Variants in ABCF2 observed in about 807,000 individuals in gnomAD.
The protein encoded by ABCF2 is ATP binding cassette subfamily F member 2.
Under a neutral mutation model 76.9 loss-of-function variants are expected in ABCF2, and 37 were observed. The ratio of observed to expected loss-of-function variants is 0.48; its 90% confidence interval spans 0.37 to 0.63. The LOEUF is 0.63. ABCF2 is among the 30% of genes least tolerant of loss of function. ABCF2 has a pLI of 0.00. For synonymous variants in ABCF2, 299 were observed against 283.7 expected (o/e 1.05, Z -0.54); for missense variants, 524 against 782.1 (o/e 0.67, Z 3.94).
In ABCF2 at chr7:151,215,146, C is replaced by T. The variant is rs1802125257; in HGVS notation, c.1531-64G>A. The stretch of plus-strand genomic sequence containing the variant: ...CCCCGCCAAACAGCACAGCTCATCT[C>T]TCCCTCATTTCTCCCTGACTCCTCC... On this transcript the variant is annotated intron_variant, in intron 13 of 14. Coordinates refer to ENST00000287844, the MANE Select transcript of ABCF2 (RefSeq NM_007189.3). This position sits in a 1 kb window ranked among gnomAD's most constrained non-coding sequence, Gnocchi z 4.6. 6.9e-7 allele frequency: 1 copy of T among 1,448,974 alleles called. No homozygotes were observed. Among genetic ancestry groups the T allele is most frequent in the Non-Finnish European group, 9.5e-7 (1 of 1,051,796 alleles). The allele number at this position is 1,448,974 out of a possible 1,614,324, so 89.8% of individuals were successfully genotyped here.
intron 7 of ABCF2, among the ~76,000 whole-genome samples, chr7:151,220,098 C>T (rs1336621655): frequency 2.0e-5 from 3 of 146,872 alleles, no homozygotes; most frequent in Non-Finnish European, 4.5e-5. Context: ...GACCCCATCT[C>T]GAGAAAAAAG....
Position 151,218,606 on chromosome 7 carries a change from AGGT to A in ABCF2, c.1179_1181del (p.Pro394del). ...AGCTCACATTTTGCACCATAATGACAGGTGGAGGGATCTTGCCACATGGTGGGA... is the reference window on the plus strand; with the variant it reads ...AGCTCACATTTTGCACCATAATGACAGGAGGGATCTTGCCACATGGTGGGA... On this transcript the variant is annotated inframe_deletion, in exon 10 of 15. Coordinates refer to ENST00000287844, the MANE Select transcript of ABCF2 (RefSeq NM_007189.3). 6.2e-7 allele frequency: 1 copy of A among 1,614,150 alleles called. No individual in the cohort carries two copies. Among genetic ancestry groups the A allele is most frequent in the Non-Finnish European group, 8.5e-7 (1 of 1,180,018 alleles).
chr7:151,216,052 G>GT (rs755902791), intron 11 of ABCF2, 23 bp from the exon 12 acceptor site: 16 of 1,607,946 alleles, frequency 1.0e-5, no homozygotes, highest in Non-Finnish European at 1.3e-5. Context: ...AAGTAGAAAC[G>GT]TAAGCATGAA....
chr7:151,218,985 G>A lies in ABCF2; in HGVS notation c.1017+79C>T, dbSNP rs551014883. The A allele has an allele frequency of 5.0e-5, 81 of 1,610,124 alleles. 2 individuals carry two copies. The South Asian group carries it at 6.9e-4, about 14-fold the overall frequency. On this transcript the variant is annotated intron_variant, in intron 8 of 14. Transcript: ENST00000287844. The stretch of plus-strand genomic sequence containing the variant: ...CTTCCCGACATCCTCCATCACTACC[G>A]CTTCTCGAAATGCCCTCATCCGAGC...
In ABCF2 at chr7:151,218,741, A is replaced by C; in HGVS notation, c.1137+13T>G. ...AACCCCACCCAATCACACCCCACCC[A>C]ATCACACCCCACCTTATCGCTCACG... On this transcript the variant is annotated intron_variant, in intron 9 of 14. Transcript: ENST00000287844. 3.1e-6 allele frequency: 5 copies of C among 1,608,768 alleles called. No homozygotes were observed. The highest frequency in any genetic ancestry group is 1.7e-4 in the Middle Eastern group (1 of 6,046).
chr7:151,224,174 T>C (rs1007516241), intron 3 of ABCF2, 60 bp from the exon 4 acceptor site: 6 of 1,542,184 alleles, frequency 3.9e-6, no homozygotes, highest in Non-Finnish European at 4.4e-6. Context: ...TCTTCACCAC[T>C]AGTTCTTCCA....
Position 151,215,525 on chromosome 7 carries a change from G to T in ABCF2, c.1530+79C>A. The stretch of plus-strand genomic sequence containing the variant: ...TTTGGACAGCTTCCAAACCCAGGCT[G>T]CCAGGACAGTATCCCCTGACCCACC... On this transcript the variant is annotated intron_variant, in intron 13 of 14. Coordinates refer to ENST00000287844, the MANE Select transcript of ABCF2 (RefSeq NM_007189.3). This position sits in a 1 kb window ranked among gnomAD's most constrained non-coding sequence, Gnocchi z 4.6. 2 of 1,571,202 alleles carry T rather than the reference G, an allele frequency of 1.3e-6. No individual in the cohort carries two copies. The highest frequency in any genetic ancestry group is 1.7e-6 in the Non-Finnish European group (2 of 1,153,942).
chr7:151,212,968 T>C lies in ABCF2; in HGVS notation c.*1086A>G. 1 of 660,932 alleles carries C rather than the reference T, an allele frequency of 1.5e-6. No homozygotes were observed. Among genetic ancestry groups the C allele is most frequent in the Non-Finnish European group, 1.9e-6 (1 of 533,790 alleles). The allele number at this position is 660,932 out of a possible 1,614,324, so 40.9% of individuals were successfully genotyped here. A position where few individuals can be genotyped will look rare whatever the true frequency, so the allele number is the denominator to read the frequency against. On this transcript the variant is annotated 3_prime_UTR_variant, in exon 15 of 15. Transcript: ENST00000287844. ...CACATAAAGACGGGTTTTGCCATGT[T>C]TCCCAAGCTGGTCTTGAACTCCTGA...
rs1209555082 is a variant in ABCF2 at position 151,214,123 on chromosome 7, G to C, written c.1803C>G (p.Tyr601Ter). ...ITKWPGDILA[Y>*]KEHLKSKLVD... ...CCAGCTTGGACTTGAGGTGCTCCTT[G>C]TAAGCCAGGATGTCTCCAGGCCACT... is the stretch of plus-strand genomic sequence containing the variant. Residue 601 changes from tyrosine (Y) to a stop codon, truncating the protein, a stop_gained, in exon 15 of 15, where the codon TAC becomes TAG. Transcript: ENST00000287844. LOFTEE classifies it high-confidence loss of function. The surrounding 1 kb of genome is among the most constrained non-coding windows in gnomAD (Gnocchi z 4.9). 6.2e-7 allele frequency: 1 copy of C among 1,614,184 alleles called. No individual in the cohort carries two copies. The highest frequency in any genetic ancestry group is 8.5e-7 in the Non-Finnish European group (1 of 1,180,036).
rs763258629 is a variant in ABCF2, at chr7:151,212,925, A to C, written c.*1129T>G. 3.1e-4 allele frequency: 84 copies of C among 270,462 alleles called. No individual in the cohort carries two copies. The highest frequency in any genetic ancestry group is 1.2e-4 in the Non-Finnish European group (22 of 176,618). The allele number at this position is 270,462 out of a possible 1,614,324, so 16.8% of individuals were successfully genotyped here. ...GCGATCCATCCACCCTAGCCACCTG[A>C]GCAGGTGGGATTCCAGGCACATAAA... On this transcript the variant is annotated 3_prime_UTR_variant, in exon 15 of 15. Transcript: ENST00000287844.
chr7:151,221,060 T>G (rs905002622), intron 7 of ABCF2, among the ~76,000 whole-genome samples: 6 of 152,230 alleles, frequency 3.9e-5, no homozygotes, highest in Non-Finnish European at 1.5e-5. Flanking sequence ...AAGGCAAACA[T>G]ACACCTTGTG....
intron 3 of ABCF2, 70 bp from the exon 4 acceptor site, chr7:151,224,184 A>T: frequency 6.8e-7 from 1 of 1,467,042 alleles, no homozygotes; most frequent in Non-Finnish European, 9.2e-7. Context: ...TAGTTCTTCC[A>T]CCCCAGTCAA....
In ABCF2 at chr7:151,226,435, C is replaced by T; in HGVS notation, c.24G>A (p.Lys8=). The change falls in exon 2 of 15, where the codon AAG becomes AAA. Residue 8 remains lysine (K), a synonymous_variant. Transcript: ENST00000287844. MPSDLAK[K]KAAKKKEAAK... The stretch of plus-strand genomic sequence containing the variant: ...CAGCCTCCTTCTTTTTGGCTGCCTT[C>T]TTCTTGGCCAGGTCGGAGGGCATGA... 1 of 1,614,134 alleles carries T rather than the reference C, an allele frequency of 6.2e-7. No individual in the cohort carries two copies. The highest frequency in any genetic ancestry group is 1.3e-5 in the African/African-American group (1 of 75,032).
rs758259679 is a variant in ABCF2, at chr7:151,223,706, C to A, written c.694G>T (p.Gly232Cys). ...QRKKLKDFSG[G>C]WRMRVALARA... ...GCAAGGGCAACCCTCATCCTCCAGC[C>A]CCCACTGAAGTCTTTTAGCTTCTTG... Residue 232 changes from glycine (G) to cysteine (C), a missense_variant, in exon 5 of 15, where the codon GGC becomes TGC. Coordinates refer to ENST00000287844, the MANE Select transcript of ABCF2 (RefSeq NM_007189.3). 6.2e-7 allele frequency: 1 copy of A among 1,607,544 alleles called. No individual in the cohort carries two copies. Among genetic ancestry groups the A allele is most frequent in the East Asian group, 2.2e-5 (1 of 44,726 alleles).
rs79537035 is a variant in ABCF2 at position 151,218,016 on chromosome 7, C to T, written c.1338+65G>A. 0.13 allele frequency: 162,151 copies of T among 1,228,068 alleles called. 12,478 individuals are homozygous for T. The highest frequency in any genetic ancestry group is 0.16 in the Non-Finnish European group (132,516 of 840,392). The allele number at this position is 1,228,068 out of a possible 1,614,324, so 76.1% of individuals were successfully genotyped here. A position where few individuals can be genotyped will look rare whatever the true frequency, so the allele number is the denominator to read the frequency against. On this transcript the variant is annotated intron_variant, in intron 11 of 14. Transcript: ENST00000287844. ...CCAAAGTAGTAGCCCCTGCATCACT[C>T]CCCTCTTCCTTAACCATCGCAAGGC...
intron 11 of ABCF2, among the ~76,000 whole-genome samples, chr7:151,217,698 CAGG>C (rs962262037): frequency 6.6e-6 from 1 of 150,940 alleles, no homozygotes; most frequent in African/African-American, 2.4e-5. Context: ...GAGGCTGAGG[CAGG>C]AGAATTGCTT....
At chr7:151,220,674 G>A (rs1242043089) in intron 7 of ABCF2, among the ~76,000 whole-genome samples, 1 of 152,030 alleles carries the variant, frequency 6.6e-6, no homozygotes, top group Admixed American at 6.6e-5. Context: ...CAGTGAAGCA[G>A]AATTAAGAAG....
chr7:151,215,784 T>C lies in ABCF2; in HGVS notation c.1402-52A>G. 1 of 1,613,194 alleles carries C rather than the reference T, an allele frequency of 6.2e-7. No individual in the cohort carries two copies. The highest frequency in any genetic ancestry group is 8.5e-7 in the Non-Finnish European group (1 of 1,179,458). On this transcript the variant is annotated intron_variant, in intron 12 of 14. Transcript: ENST00000287844. This position sits in a 1 kb window ranked among gnomAD's most constrained non-coding sequence, Gnocchi z 4.6. ...GTGTGACTGGCATCCCGCTTCAAAA[T>C]AAACCCTACTAGGTAACTTCCTATT...
chr7:151,212,702 G>A lies in ABCF2; in HGVS notation c.*1352C>T. 1 of 172,268 alleles carries A rather than the reference G, an allele frequency of 5.8e-6. No individual in the cohort carries two copies. Among genetic ancestry groups the A allele is most frequent in the Non-Finnish European group, 1.2e-5 (1 of 86,460 alleles). The allele number at this position is 172,268 out of a possible 1,614,324, so 10.7% of individuals were successfully genotyped here. On this transcript the variant is annotated 3_prime_UTR_variant, in exon 15 of 15. Coordinates refer to ENST00000287844, the MANE Select transcript of ABCF2 (RefSeq NM_007189.3). ...GAAGGGGTCTCCCTACTTTGCCCAGGCTGGTCTTGAACTTCTAGGCTCAAT... is the reference window on the plus strand; with the variant it reads ...GAAGGGGTCTCCCTACTTTGCCCAGACTGGTCTTGAACTTCTAGGCTCAAT...
Sources: gnomAD v4.1 joint callset for allele counts (sites outside exome capture counted in the v4.1 genomes callset) on GRCh38, gnomAD v4.1.1 for gene constraint, Gnocchi (gnomAD v3.1) non-coding constraint, MANE v1.5 for transcripts, NCBI Gene and HGNC (gene_info 2026-07-23, HGNC 2026-07-21) for gene names.